Variants in AOPEP observed in about 807,000 individuals in gnomAD.
AOPEP encodes aminopeptidase O.
A neutral mutation model predicts 98.1 loss-of-function variants in AOPEP; 77 were observed. The observed-to-expected ratio is 0.78, with a 90% CI of 0.65 to 0.95. AOPEP has a LOEUF of 0.95. Ranked by LOEUF, AOPEP falls within the 40% of genes least tolerant of loss-of-function variation. AOPEP has a pLI of 0.00. For synonymous variants in AOPEP, 346 were observed against 365.3 expected (o/e 0.95, Z 0.60); for missense variants, 1,024 against 1,024.7 (o/e 1.00, Z 0.01).
At chr9:95,148,997 G>A in the AOPEP span, among the ~76,000 whole-genome samples, 3 of 152,078 alleles carry the variant, frequency 2.0e-5, no homozygotes, top group East Asian at 3.9e-4. Flanking sequence ...ACCAGAAGCA[G>A]ATATGAGAAT....
chr9:94,843,555 G>A lies in AOPEP; in HGVS notation c.1364+42553G>A, dbSNP rs77084889. On this transcript the variant is annotated intron_variant, in intron 5 of 16. Coordinates refer to ENST00000375315, the MANE Select transcript of AOPEP (RefSeq NM_001193329.3). ...TAGAATAGGCTCAACCAGAGGCTGA[G>A]CAGTCAGTTTGCTATTATTACCATA... Among the ~76,000 whole-genome samples, 11 of 152,220 alleles carry A rather than the reference G, an allele frequency of 7.2e-5. No homozygotes were observed. In the East Asian group the frequency reaches 2.1e-3, roughly 29 times the overall value.
the AOPEP span, chr9:95,135,639 T>C: frequency 2.8e-6 from 2 of 711,466 alleles, no homozygotes; most frequent in Non-Finnish European, 4.8e-6. Flanking sequence ...TAATAATTTA[T>C]AGAATCAGTG....
At chr9:94,910,625 C>G (rs750350028) in intron 5 of AOPEP, among the ~76,000 whole-genome samples, 5 of 152,218 alleles carry the variant, frequency 3.3e-5, no homozygotes, top group Non-Finnish European at 7.3e-5. Context: ...GAGGGTCCAG[C>G]TCTTTCGGAG....
chr9:94,981,145 C>T (rs2060156467), intron 11 of AOPEP, among the ~76,000 whole-genome samples: 1 of 152,212 alleles, frequency 6.6e-6, no homozygotes, highest in Non-Finnish European at 1.5e-5. Flanking sequence ...GGCTGTGGTG[C>T]TGGGGCTGGC....
At chr9:94,776,947 T>C (rs982951819) in intron 3 of AOPEP, among the ~76,000 whole-genome samples, 1 of 151,318 alleles carries the variant, frequency 6.6e-6, no homozygotes, top group Admixed American at 6.6e-5. Flanking sequence ...ACTGGATGAA[T>C]GGTACATTTT....
At chr9:94,910,424 C>A (rs753882419) in intron 5 of AOPEP, among the ~76,000 whole-genome samples, 2 of 152,224 alleles carry the variant, frequency 1.3e-5, no homozygotes, top group Non-Finnish European at 2.9e-5. Flanking sequence ...GACTGGGTCT[C>A]GGGCAGCCTT....
At chr9:95,062,668 G>C (rs2067431078) in intron 14 of AOPEP, among the ~76,000 whole-genome samples, 1 of 152,208 alleles carries the variant, frequency 6.6e-6, no homozygotes, top group Admixed American at 6.5e-5. Flanking sequence ...TCTGTGTATG[G>C]GCTGTGTTCA....
intron 5 of AOPEP, among the ~76,000 whole-genome samples, chr9:94,878,612 T>G (rs896224395): frequency 3.9e-5 from 6 of 152,126 alleles, no homozygotes; most frequent in Non-Finnish European, 8.8e-5. Flanking sequence ...GAACATCCAT[T>G]AGGTTCTACT....
the AOPEP span, among the ~76,000 whole-genome samples, chr9:95,145,842 G>C: frequency 1.3e-5 from 2 of 152,106 alleles, no homozygotes; most frequent in Non-Finnish European, 2.9e-5. Context: ...TTTACCACCG[G>C]AGAACGGGGA....
At chr9:95,127,130 T>G in the AOPEP span, 3 of 153,296 alleles carry the variant, frequency 2.0e-5, no homozygotes, top group African/African-American at 7.3e-5. Flanking sequence ...GAAAAGGGGG[T>G]TCATGAAGAA....
intron 1 of AOPEP, among the ~76,000 whole-genome samples, chr9:94,740,477 T>C (rs1054089826): frequency 2.6e-5 from 4 of 152,324 alleles, no homozygotes; most frequent in Non-Finnish European, 5.9e-5. Flanking sequence ...AAAAACATGA[T>C]TAATGCATAA....
chr9:94,822,157 A>G (rs1663902942), intron 5 of AOPEP, among the ~76,000 whole-genome samples: 1 of 152,248 alleles, frequency 6.6e-6, no homozygotes, highest in Admixed American at 6.5e-5. Context: ...TGAGAGGCCC[A>G]GAGAACATGG....
chr9:94,931,651 A>G lies in AOPEP; in HGVS notation c.1661+3120A>G. ...ATGCTATCTTGTTCTTTCTTTCAAG[A>G]TGCCCCATGGTCTTGAAATGATGGG... On this transcript the variant is annotated intron_variant, in intron 7 of 16. Coordinates refer to ENST00000375315, the MANE Select transcript of AOPEP (RefSeq NM_001193329.3). 7.0e-6 allele frequency: 7 copies of G among 1,004,084 alleles called. No homozygotes were observed. The South Asian group carries it at 8.4e-5, about 12-fold the overall frequency. The allele number at this position is 1,004,084 out of a possible 1,614,324, so 62.2% of individuals were successfully genotyped here. A position where few individuals can be genotyped will look rare whatever the true frequency, so the allele number is the denominator to read the frequency against.
chr9:94,809,373 G>A (rs1477170938), intron 5 of AOPEP, among the ~76,000 whole-genome samples: 1 of 152,196 alleles, frequency 6.6e-6, no homozygotes, highest in Non-Finnish European at 1.5e-5. Flanking sequence ...CCCAACTGTT[G>A]TGTCGAGGGA....
chr9:94,964,771 C>T (rs1187030731), intron 9 of AOPEP, among the ~76,000 whole-genome samples: 2 of 151,754 alleles, frequency 1.3e-5, no homozygotes, highest in Non-Finnish European at 2.9e-5. Flanking sequence ...TCCCAAGTAG[C>T]TGGTATTACA....
chr9:94,840,246 T>A (rs1191527976), intron 5 of AOPEP, among the ~76,000 whole-genome samples: 3 of 152,212 alleles, frequency 2.0e-5, no homozygotes, highest in Admixed American at 1.3e-4. Context: ...CTGTATTAAT[T>A]GACAGGATCT....
Position 94,750,441 on chromosome 9 carries a change from C to T in AOPEP, c.-135-9208C>T, listed in dbSNP as rs1032560129. ...TCTACTAAAAATACAAAAAATTAGC[C>T]GGGCGTGGTGGCGGGCACCTGTAGT... is the stretch of plus-strand genomic sequence containing the variant. On this transcript the variant is annotated intron_variant, in intron 1 of 16. Coordinates refer to ENST00000375315, the MANE Select transcript of AOPEP (RefSeq NM_001193329.3). Among the ~76,000 whole-genome samples, 12 of 151,974 alleles carry T rather than the reference C, an allele frequency of 7.9e-5. No individual in the cohort carries two copies. In the South Asian group the frequency reaches 1.0e-3, roughly 13 times the overall value.
downstream of AOPEP, among the ~76,000 whole-genome samples, chr9:95,088,069 G>A (rs1260264817): frequency 2.6e-5 from 4 of 152,192 alleles, no homozygotes; most frequent in Admixed American, 1.3e-4. Context: ...ATGCCTTTGC[G>A]TGGGACTGTA....
the AOPEP span, among the ~76,000 whole-genome samples, chr9:95,132,673 CTTTTA>C: frequency 1.3e-5 from 2 of 152,096 alleles, no homozygotes; most frequent in Non-Finnish European, 2.9e-5. Context: ...GAAAACTTTT[CTTTTA>C]TTTTAGATGT....
Sources: allele counts gnomAD v4.1 joint callset (sites outside exome capture counted in the v4.1 genomes callset), GRCh38; gene constraint gnomAD v4.1.1; transcripts MANE v1.5; gene names NCBI Gene and HGNC (gene_info 2026-07-23, HGNC 2026-07-21).